PPP2CB: variants seen among roughly 807,000 people sequenced by gnomAD.
PPP2CB encodes the protein serine/threonine-protein phosphatase 2A catalytic subunit beta isoform.
Under a neutral mutation model 39.1 loss-of-function variants are expected in PPP2CB, and 18 were observed. The observed-to-expected ratio is 0.46, with a 90% CI of 0.32 to 0.68. The LOEUF is 0.68. PPP2CB is among the 30% of genes least tolerant of loss of function. PPP2CB has a pLI of 0.04. For missense variants in PPP2CB, 226 were observed against 396.9 expected (o/e 0.57, Z 3.66); for synonymous variants, 129 against 133.8 (o/e 0.96, Z 0.25).
chr8:30,804,973 G>A (rs1806694420), intron 1 of PPP2CB, among the ~76,000 whole-genome samples: 1 of 151,968 alleles, frequency 6.6e-6, no homozygotes, highest in Non-Finnish European at 1.5e-5. Context: ...ATCAATGCCT[G>A]GTGTTCATTA....
chr8:30,812,353 C>T lies in PPP2CB; in HGVS notation c.69G>A (p.Leu23=). The T allele has an allele frequency of 1.9e-6, 3 of 1,557,948 alleles. No individual in the cohort carries two copies. The highest frequency in any genetic ancestry group is 2.6e-6 in the Non-Finnish European group (3 of 1,149,046). The change falls in exon 1 of 7, where the codon CTG becomes CTA. Residue 23 remains leucine, a synonymous_variant. Coordinates refer to ENST00000221138, the MANE Select transcript of PPP2CB (RefSeq NM_001009552.2). ...WVEQLNECKQ[L]NENQVRTLCE... is the part of the protein sequence containing the mutation. ...ACAGCGTCCGCACTTGGTTCTCGTT[C>T]AGCTGCTTACACTCGTTCAGCTGCT...
At chr8:30,790,722 G>A (rs1341773062) in intron 6 of PPP2CB, among the ~76,000 whole-genome samples, 1 of 152,218 alleles carries the variant, frequency 6.6e-6, no homozygotes, top group African/African-American at 2.4e-5. Context: ...GTGTCTACCA[G>A]GAGTAGAGCT....
intron 5 of PPP2CB, chr8:30,793,121 T>C (rs972321260): frequency 1.3e-5 from 2 of 152,080 alleles, no homozygotes; most frequent in South Asian, 2.1e-4. Flanking sequence ...TAGGACCACT[T>C]GATACAATGC....
At chr8:30,795,201 C>T (rs1308226491) in intron 3 of PPP2CB, among the ~76,000 whole-genome samples, 1 of 151,326 alleles carries the variant, frequency 6.6e-6, no homozygotes, top group East Asian at 1.9e-4. Flanking sequence ...CCGCAACCTC[C>T]GCCTTCCGGG....
chr8:30,807,093 G>A (rs143807685), intron 1 of PPP2CB, among the ~76,000 whole-genome samples: 1 of 152,072 alleles, frequency 6.6e-6, no homozygotes, highest in East Asian at 1.9e-4. Flanking sequence ...CACTAGAATT[G>A]GGTCTTGACC....
At chr8:30,806,214 A>ATTT (rs550522092) in intron 1 of PPP2CB, among the ~76,000 whole-genome samples, 3 of 142,516 alleles carry the variant, frequency 2.1e-5, no homozygotes, top group Non-Finnish European at 4.6e-5. Flanking sequence ...CGCCTGGCTG[A>ATTT]TTTTTTTTTT....
At chr8:30,793,337 A>G (rs1806468364) in intron 5 of PPP2CB, 1 of 152,200 alleles carries the variant, frequency 6.6e-6, no homozygotes, top group Admixed American at 6.5e-5. Context: ...ATACAACCTA[A>G]TCTTTGGATT....
intron 1 of PPP2CB, among the ~76,000 whole-genome samples, chr8:30,801,562 T>G (rs1313063642): frequency 6.8e-6 from 1 of 147,546 alleles, no homozygotes; most frequent in Admixed American, 6.7e-5. Context: ...TCAAACAGGA[T>G]GAAGCTTAAA....
At chr8:30,791,786 T>C (rs1053099490) in intron 5 of PPP2CB, among the ~76,000 whole-genome samples, 10 of 151,988 alleles carry the variant, frequency 6.6e-5, no homozygotes, top group African/African-American at 2.4e-4. Flanking sequence ...TTATTAGCTA[T>C]AGTATTATAT....
At chr8:30,787,356 T>G (rs1036404765) in intron 6 of PPP2CB, among the ~76,000 whole-genome samples, 1 of 152,224 alleles carries the variant, frequency 6.6e-6, no homozygotes, top group African/African-American at 2.4e-5. Flanking sequence ...GTTTTTATTT[T>G]TGAGACAGGG....
intron 6 of PPP2CB, among the ~76,000 whole-genome samples, chr8:30,787,622 A>G (rs2128759974): frequency 6.6e-6 from 1 of 152,352 alleles, no homozygotes; most frequent in South Asian, 2.1e-4. Context: ...GGTTAGAGCC[A>G]CCGCACCTGG....
At chr8:30,790,860 C>T (rs957503196) in intron 6 of PPP2CB, 9 of 202,752 alleles carry the variant, frequency 4.4e-5, no homozygotes, top group Non-Finnish European at 5.9e-5. Flanking sequence ...ACCAACCCAG[C>T]GTAGAGCGCC....
chr8:30,797,393 T>A (rs138157351), intron 3 of PPP2CB, among the ~76,000 whole-genome samples, 188 bp downstream of exon 3: 2 of 152,186 alleles, frequency 1.3e-5, no homozygotes, highest in African/African-American at 4.8e-5. Context: ...ACAGGAAAAT[T>A]TGCTGGTCCA....
intron 1 of PPP2CB, among the ~76,000 whole-genome samples, chr8:30,806,395 G>A (rs928863924): frequency 2.0e-5 from 3 of 151,964 alleles, no homozygotes; most frequent in African/African-American, 4.8e-5. Context: ...GAAAAGTAAC[G>A]TACAGGAACT....
In PPP2CB at chr8:30,790,720, C is replaced by G. The variant is rs551361971; in HGVS notation, c.857+477G>C. Among the ~76,000 whole-genome samples, 5 of 152,312 alleles carry G rather than the reference C, an allele frequency of 3.3e-5. No individual in the cohort carries two copies. The South Asian group carries it at 8.3e-4, about 25-fold the overall frequency. ...CCTCAGCCTGCTTGACTGTGTCTAC[C>G]AGGAGTAGAGCTTTTGTAACTCCAG... On this transcript the variant is annotated intron_variant, in intron 6 of 6. Transcript: ENST00000221138.
chr8:30,797,618 A>G lies in PPP2CB; in HGVS notation c.449T>C (p.Phe150Ser). The change falls in exon 3 of 7, where the codon TTT becomes TCT. Residue 150 changes from phenylalanine to serine, a missense_variant. Transcript: ENST00000221138. ...ANVWKYFTDL[F>S]DYLPLTALVD... The stretch of plus-strand genomic sequence containing the variant: ...TAAAGCTGTAAGTGGAAGATAATCA[A>G]AGAGATCTGTAAAATATTTCCAAAC... 6.2e-7 allele frequency: 1 copy of G among 1,613,972 alleles called. No individual in the cohort carries two copies. The highest frequency in any genetic ancestry group is 1.1e-5 in the South Asian group (1 of 91,070).
At chr8:30,802,486 A>G (rs1326076099) in intron 1 of PPP2CB, among the ~76,000 whole-genome samples, 1 of 152,042 alleles carries the variant, frequency 6.6e-6, no homozygotes, top group Non-Finnish European at 1.5e-5. Context: ...AGGTGCTTGC[A>G]CAAATTTTCT....
intron 1 of PPP2CB, among the ~76,000 whole-genome samples, chr8:30,811,526 CT>C (rs2128763283): frequency 9.3e-6 from 1 of 107,672 alleles, no homozygotes; most frequent in African/African-American, 4.6e-5. Flanking sequence ...TTTTTTTTTG[CT>C]GTCGCCCAGG....
Position 30,812,422 on chromosome 8 carries a change from G to A in PPP2CB, c.-1C>T. 6.5e-7 allele frequency: 1 copy of A among 1,528,160 alleles called. No homozygotes were observed. The highest frequency in any genetic ancestry group is 8.8e-7 in the Non-Finnish European group (1 of 1,134,272). 94.7% of individuals were successfully genotyped at this position (1,528,160 alleles called of 1,614,324 possible). ...CCTTGGTGAACGCCTTGTCGTCCAT[G>A]GCGGCCCGATCCCGATGCGGATCCC... On this transcript the variant is annotated 5_prime_UTR_variant, in exon 1 of 7. Transcript: ENST00000221138.
Sources: allele counts gnomAD v4.1 joint callset (sites outside exome capture counted in the v4.1 genomes callset), GRCh38; gene constraint gnomAD v4.1.1; transcripts MANE v1.5; gene names NCBI Gene and HGNC (gene_info 2026-07-23, HGNC 2026-07-21).